The following HAPLN1 variants were observed in gnomAD, a reference collection of about 807,000 sequenced individuals.
HAPLN1 encodes Cartilage link protein.
A neutral mutation model predicts 36.5 loss-of-function variants in HAPLN1; 13 were observed. That is an observed-to-expected ratio of 0.36 (90% CI 0.23 to 0.57). HAPLN1 has a LOEUF of 0.57. Ranked by LOEUF, HAPLN1 falls within the 20% of genes least tolerant of loss-of-function variation. The pLI, the probability that HAPLN1 is intolerant of heterozygous loss-of-function variation, is 0.83. For missense variants in HAPLN1, 407 were observed against 439.7 expected (o/e 0.93, Z 0.66); for synonymous variants, 202 against 169.8 (o/e 1.19, Z -1.48).
chr5:83,665,266 A>T (rs1379035174), intron 2 of HAPLN1, among the ~76,000 whole-genome samples: 1 of 152,228 alleles, frequency 6.6e-6, no homozygotes, highest in Non-Finnish European at 1.5e-5. Context: ...TCGTGAAATC[A>T]TTCTGAACAA....
intron 1 of HAPLN1, among the ~76,000 whole-genome samples, chr5:83,717,911 A>G (rs1170475902): frequency 2.0e-5 from 3 of 152,234 alleles, no homozygotes; most frequent in Non-Finnish European, 4.4e-5. Context: ...ATTTAATAAA[A>G]AAATCAAAGA....
In HAPLN1 at chr5:83,673,566, T is replaced by C. The variant is rs781337723; in HGVS notation, c.-26-17A>G. The stretch of plus-strand genomic sequence containing the variant: ...TCTTCTTCACTGCGAGAGCATCACA[T>C]ACAAAGAGGCTTGTGAGATTTGGAA... On this transcript the variant is annotated splice_polypyrimidine_tract_variant and intron_variant, in intron 1 of 4. Coordinates refer to ENST00000274341, the MANE Select transcript of HAPLN1 (RefSeq NM_001884.4). 2 of 1,406,096 alleles carry C rather than the reference T, an allele frequency of 1.4e-6. No homozygotes were observed. The highest frequency in any genetic ancestry group is 2.0e-6 in the Non-Finnish European group (2 of 991,744). The allele number at this position is 1,406,096 out of a possible 1,614,324, so 87.1% of individuals were successfully genotyped here. A position where few individuals can be genotyped will look rare whatever the true frequency, so the allele number is the denominator to read the frequency against.
At chr5:83,676,756 T>C (rs1221181075) in intron 1 of HAPLN1, among the ~76,000 whole-genome samples, 1 of 152,204 alleles carries the variant, frequency 6.6e-6, no homozygotes, top group Non-Finnish European at 1.5e-5. Flanking sequence ...CACAACCAGC[T>C]ATTATCAACT....
intron 2 of HAPLN1, among the ~76,000 whole-genome samples, 192 bp from the exon 3 acceptor site, chr5:83,653,016 C>A (rs1010726439): frequency 6.6e-6 from 1 of 152,066 alleles, no homozygotes; most frequent in Non-Finnish European, 1.5e-5. Context: ...CTAAAGTAGT[C>A]ATTTTTAAAC....
At chr5:83,654,125 G>A (rs1750150461) in intron 2 of HAPLN1, among the ~76,000 whole-genome samples, 1 of 152,150 alleles carries the variant, frequency 6.6e-6, no homozygotes, top group African/African-American at 2.4e-5. Flanking sequence ...AAAATAGAAA[G>A]TATCCAAAAA....
In HAPLN1 at chr5:83,639,784, TTTTA is replaced by T. The variant is rs1305216466; in HGVS notation, c.*1708_*1711del. 2.0e-5 allele frequency: 3 copies of T among 152,122 alleles called. No homozygotes were observed. Among genetic ancestry groups the T allele is most frequent in the Admixed American group, 6.5e-5 (1 of 15,272 alleles). The allele number at this position is 152,122 out of a possible 1,614,324, so 9.4% of individuals were successfully genotyped here. A position where few individuals can be genotyped will look rare whatever the true frequency, so the allele number is the denominator to read the frequency against. ...AATGTGCATACATAACATTGTCATC[TTTTA>T]ATATTAAAGCATCTGAAAATTTTCA... On this transcript the variant is annotated 3_prime_UTR_variant, in exon 5 of 5. Transcript: ENST00000274341.
chr5:83,648,187 G>A (rs185988450), intron 3 of HAPLN1, among the ~76,000 whole-genome samples: 1 of 151,838 alleles, frequency 6.6e-6, no homozygotes, highest in Non-Finnish European at 1.5e-5. Context: ...GTGGCAGTCA[G>A]AGGGCTCTGC....
chr5:83,676,166 GCACACATA>G (rs1750855410), intron 1 of HAPLN1, among the ~76,000 whole-genome samples: 7 of 105,138 alleles, frequency 6.7e-5, no homozygotes, highest in Non-Finnish European at 1.5e-4. Context: ...ACAGAGATAT[GCACACATA>G]CACAGAGATA....
At chr5:83,712,562 A>C (rs1163529757) in intron 1 of HAPLN1, among the ~76,000 whole-genome samples, 1 of 152,064 alleles carries the variant, frequency 6.6e-6, no homozygotes, top group Non-Finnish European at 1.5e-5. Flanking sequence ...TATTTAGATC[A>C]TCTTTTTAAT....
At chr5:83,694,944 T>C (rs1049851925) in intron 1 of HAPLN1, among the ~76,000 whole-genome samples, 6 of 151,926 alleles carry the variant, frequency 3.9e-5, no homozygotes, top group Non-Finnish European at 7.4e-5. Context: ...AATACCAAAA[T>C]CAGACAAAAA....
chr5:83,649,223 A>G (rs1749973737), intron 3 of HAPLN1, among the ~76,000 whole-genome samples: 1 of 152,136 alleles, frequency 6.6e-6, no homozygotes, highest in African/African-American at 2.4e-5. Flanking sequence ...CAAATGTTTG[A>G]AATTAGCGAC....
rs372190168 is a variant in HAPLN1, at chr5:83,698,346, T to C, written c.-27+22443A>G. 1.5e-4 allele frequency among the ~76,000 whole-genome samples: 23 copies of C among 152,246 alleles called. 1 individual carries two copies. The East Asian group carries it at 3.5e-3, about 23-fold the overall frequency. Reference sequence around the variant, plus strand: ...TTTCCTGCTTTGTAAGGAGTATACTTTCCTCACTGAATTTTCTTGGTACTC... The same window carrying C: ...TTTCCTGCTTTGTAAGGAGTATACTCTCCTCACTGAATTTTCTTGGTACTC... On this transcript the variant is annotated intron_variant, in intron 1 of 4. Coordinates refer to ENST00000274341, the MANE Select transcript of HAPLN1 (RefSeq NM_001884.4).
chr5:83,693,350 G>A (rs564406489), intron 1 of HAPLN1, among the ~76,000 whole-genome samples: 37 of 151,732 alleles, frequency 2.4e-4, no homozygotes, highest in African/African-American at 8.4e-4. Context: ...CTAATAAACC[G>A]ACAAAGGAGA....
chr5:83,687,432 G>A (rs1751156333), intron 1 of HAPLN1, among the ~76,000 whole-genome samples: 1 of 152,126 alleles, frequency 6.6e-6, no homozygotes, highest in South Asian at 2.1e-4. Flanking sequence ...GCTACTTGCT[G>A]GCATCATGTT....
At chr5:83,700,150 C>T (rs913996174) in intron 1 of HAPLN1, among the ~76,000 whole-genome samples, 88 of 147,774 alleles carry the variant, frequency 6.0e-4, no homozygotes, top group South Asian at 2.2e-4. Flanking sequence ...GCTGAGATTG[C>T]GCCACTGCAC....
intron 2 of HAPLN1, among the ~76,000 whole-genome samples, chr5:83,662,696 C>T (rs975863070): frequency 1.3e-5 from 2 of 152,168 alleles, no homozygotes; most frequent in African/African-American, 4.8e-5. Flanking sequence ...CTTCATTAGG[C>T]TGTAATTATC....
chr5:83,708,578 G>A (rs1229204103), intron 1 of HAPLN1, among the ~76,000 whole-genome samples: 1 of 152,196 alleles, frequency 6.6e-6, no homozygotes, highest in African/African-American at 2.4e-5. Flanking sequence ...AGGTTGGGAA[G>A]AGGGAAAAGA....
intron 2 of HAPLN1, among the ~76,000 whole-genome samples, chr5:83,672,551 T>C (rs928946544): frequency 6.6e-6 from 1 of 152,208 alleles, no homozygotes; most frequent in Non-Finnish European, 1.5e-5. Flanking sequence ...ATTTACACTA[T>C]CATTTGACCT....
chr5:83,718,949 G>T (rs1751969000), intron 1 of HAPLN1, among the ~76,000 whole-genome samples: 1 of 152,162 alleles, frequency 6.6e-6, no homozygotes, highest in Admixed American at 6.5e-5. Context: ...CAACTGTTCA[G>T]AAAATACCAA....
Sources: gnomAD v4.1 joint callset for allele counts (sites outside exome capture counted in the v4.1 genomes callset) on GRCh38, gnomAD v4.1.1 for gene constraint, MANE v1.5 for transcripts, NCBI Gene and HGNC (gene_info 2026-07-23, HGNC 2026-07-21) for gene names.